Variants in PLCB3 observed in about 807,000 individuals in gnomAD.
PLCB3 encodes the protein phospholipase C beta 3.
Under a neutral mutation model 152.1 loss-of-function variants are expected in PLCB3, and 54 were observed. That is an observed-to-expected ratio of 0.36 (90% CI 0.29 to 0.45). The LOEUF (loss-of-function observed/expected upper bound fraction) is 0.45. Ranked by LOEUF, PLCB3 falls within the 20% of genes least tolerant of loss-of-function variation. The probability of loss-of-function intolerance (pLI) is 1.00; values close to 1 mark genes in which losing one functional copy is unlikely to be tolerated. For missense variants in PLCB3, 1,248 were observed against 1,687.5 expected (o/e 0.74, Z 4.56); for synonymous variants, 717 against 698.7 (o/e 1.03, Z -0.41).
chr11:64,260,349 G>T (rs1297215034), intron 14 of PLCB3, 115 bp downstream of exon 14: 2 of 725,774 alleles, frequency 2.8e-6, no homozygotes, highest in Non-Finnish European at 4.7e-6. Flanking sequence ...CTCAGTGTGG[G>T]TGTGAGTGAA....
rs2031670172 is a variant in PLCB3 at position 64,258,678 on chromosome 11, C to T, written c.1218C>T (p.Tyr406=). The change falls in exon 11 of 31, where the codon TAC becomes TAT. Residue 406 remains tyrosine, a synonymous_variant. Coordinates refer to ENST00000279230, the MANE Select transcript of PLCB3 (RefSeq NM_000932.5). This position sits in a 1 kb window ranked among gnomAD's most constrained non-coding sequence, Gnocchi z 7.2. ...AGACTGCCTTCAAGACCTCGCCCTA[C>T]CCCGTCATCCTCTCCTTCGAGAACC... ...IAETAFKTSP[Y]PVILSFENHV... is the part of the protein sequence containing the mutation. 6.2e-7 allele frequency: 1 copy of T among 1,613,966 alleles called. No homozygotes were observed. The highest frequency in any genetic ancestry group is 8.5e-7 in the Non-Finnish European group (1 of 1,179,992).
At chr11:64,265,583 G>C (rs1034687809) in intron 25 of PLCB3, 81 bp downstream of exon 25, 34 of 1,487,924 alleles carry the variant, frequency 2.3e-5, no homozygotes, top group South Asian at 1.3e-4. Context: ...TGGAGAGATG[G>C]CAAGAGCTGC....
chr11:64,260,140 GC>G lies in PLCB3; in HGVS notation c.1641del (p.Tyr548MetfsTer37). On this transcript the variant is annotated frameshift_variant, in exon 14 of 31. Coordinates refer to ENST00000279230, the MANE Select transcript of PLCB3 (RefSeq NM_000932.5). LOFTEE classifies it high-confidence loss of function. ...KSLGDEGLNR[G>X]PYVLGPADRE... ...CTGGGTGACGAGGGCCTGAACCGAGGCCCCTATGTTCTTGGACCTGCTGACC... is the reference window on the plus strand; with the variant it reads ...CTGGGTGACGAGGGCCTGAACCGAGGCCCTATGTTCTTGGACCTGCTGACC... 1 of 1,611,018 alleles carries G rather than the reference GC, an allele frequency of 6.2e-7. No homozygotes were observed. The highest frequency in any genetic ancestry group is 8.5e-7 in the Non-Finnish European group (1 of 1,178,906).
chr11:64,261,357 T>C, intron 14 of PLCB3, 43 bp from the exon 15 acceptor site: 1 of 1,407,866 alleles, frequency 7.1e-7, no homozygotes, highest in Non-Finnish European at 1.0e-6. Flanking sequence ...AATGGCCAGC[T>C]GTGGCGGGAA....
chr11:64,254,654 G>T, intron 2 of PLCB3, 94 bp from the exon 3 acceptor site: 2 of 1,428,592 alleles, frequency 1.4e-6, no homozygotes, highest in Non-Finnish European at 2.0e-6. Flanking sequence ...ATAGCCAGGG[G>T]CTGGCCATTC....
At chr11:64,260,447 A>G (rs1216063410) in intron 14 of PLCB3, among the ~76,000 whole-genome samples, 1 of 152,030 alleles carries the variant, frequency 6.6e-6, no homozygotes, top group Non-Finnish European at 1.5e-5. Flanking sequence ...GAGTTAGGGT[A>G]CAGAACTGGC....
At chr11:64,262,271 TC>T (rs1005259329) in intron 17 of PLCB3, 135 bp from the exon 18 acceptor site, 1 of 1,302,190 alleles carries the variant, frequency 7.7e-7, no homozygotes, top group Non-Finnish European at 1.1e-6. Flanking sequence ...CTGTCCTGGA[TC>T]CGGACCCTGA....
At chr11:64,265,527 C>T (rs2032075863) in intron 25 of PLCB3, 25 bp downstream of exon 25, 1 of 1,578,774 alleles carries the variant, frequency 6.3e-7, no homozygotes, top group Non-Finnish European at 8.6e-7. Context: ...CGCCTGTGTG[C>T]TATGTGTGCT....
rs1167030915 is a variant in PLCB3, at chr11:64,267,681, G to A, written c.*125G>A. 8.8e-6 allele frequency: 7 copies of A among 798,730 alleles called. No individual in the cohort carries two copies. Among genetic ancestry groups the A allele is most frequent in the Admixed American group, 2.9e-5 (1 of 34,800 alleles). The allele number at this position is 798,730 out of a possible 1,614,324, so 49.5% of individuals were successfully genotyped here. On this transcript the variant is annotated 3_prime_UTR_variant, in exon 31 of 31. Coordinates refer to ENST00000279230, the MANE Select transcript of PLCB3 (RefSeq NM_000932.5). The surrounding 1 kb of genome is among the most constrained non-coding windows in gnomAD (Gnocchi z 5.2). The stretch of plus-strand genomic sequence containing the variant: ...CTAGAAATTTTATTTTTTTAAACCC[G>A]GGGCAAGTACCTCAGCTAACTCCCT...
At position 64,267,097 on chromosome 11, in the gene PLCB3, C is replaced by G. The variant is rs1024175728; in HGVS notation, c.3415-88C>G. Reference sequence around the variant, plus strand: ...ATGTGAGCCACTGCACCCGGCCTCGCCCACCTGACTTCTATACCCAGCCAG... The same window carrying G: ...ATGTGAGCCACTGCACCCGGCCTCGGCCACCTGACTTCTATACCCAGCCAG... On this transcript the variant is annotated intron_variant, in intron 29 of 30. Transcript: ENST00000279230. This position sits in a 1 kb window ranked among gnomAD's most constrained non-coding sequence, Gnocchi z 5.2. 24 of 1,222,582 alleles carry G rather than the reference C, an allele frequency of 2.0e-5. No individual in the cohort carries two copies. Among genetic ancestry groups the G allele is most frequent in the Non-Finnish European group, 2.5e-5 (21 of 853,372 alleles). 75.7% of individuals were successfully genotyped at this position (1,222,582 alleles called of 1,614,324 possible).
At chr11:64,263,873 C>T (rs2031980244) in intron 21 of PLCB3, 78 bp downstream of exon 21, 15 of 1,308,124 alleles carry the variant, frequency 1.1e-5, no homozygotes, top group South Asian at 6.0e-5. Context: ...TGGGAGTGGC[C>T]GAGCTGGATG....
In PLCB3 at chr11:64,255,469, G is replaced by A; in HGVS notation, c.521+20G>A. On this transcript the variant is annotated intron_variant, in intron 6 of 30. Transcript: ENST00000279230. This position sits in a 1 kb window ranked among gnomAD's most constrained non-coding sequence, Gnocchi z 6.8. Reference sequence around the variant, plus strand: ...CAAGAAGTGAGCACCCCTTCCCCCAGCACCTTCCTCCTGCCCTGACCTTGG... The same window carrying A: ...CAAGAAGTGAGCACCCCTTCCCCCAACACCTTCCTCCTGCCCTGACCTTGG... 6.2e-7 allele frequency: 1 copy of A among 1,614,076 alleles called. No homozygotes were observed. The highest frequency in any genetic ancestry group is 8.5e-7 in the Non-Finnish European group (1 of 1,179,936).
chr11:64,259,283 AG>A (rs2031718289), intron 13 of PLCB3, 39 bp downstream of exon 13: 1 of 1,433,882 alleles, frequency 7.0e-7, no homozygotes. Context: ...ACTTGACCCT[AG>A]CCTCTGGCCT....
rs370353261 is a variant in PLCB3, at chr11:64,266,489, G to A, written c.3357-6G>A. 64 of 1,613,516 alleles carry A rather than the reference G, an allele frequency of 4.0e-5. No individual in the cohort carries two copies. The highest frequency in any genetic ancestry group is 1.7e-4 in the African/African-American group (13 of 74,858). On this transcript the variant is annotated splice_region_variant and splice_polypyrimidine_tract_variant and intron_variant, in intron 28 of 30. Coordinates refer to ENST00000279230, the MANE Select transcript of PLCB3 (RefSeq NM_000932.5). The surrounding 1 kb of genome is among the most constrained non-coding windows in gnomAD (Gnocchi z 4.9). ...CCCCGAGCCATCCTGCGTTGCTCCC[G>A]TGCAGGGAACTGACGGAGATTAACC...
Position 64,258,512 on chromosome 11 carries a change from G to A in PLCB3, c.1052G>A (p.Arg351His). 6 of 1,613,616 alleles carry A rather than the reference G, an allele frequency of 3.7e-6. No homozygotes were observed. The highest frequency in any genetic ancestry group is 1.3e-5 in the African/African-American group (1 of 75,040). Residue 351 changes from arginine (R) to histidine (H), a missense_variant, in exon 11 of 31, where the codon CGC (arginine) becomes CAC (histidine). Physicochemically the swap from Arg to His is conservative, Grantham distance 29. Coordinates refer to ENST00000279230, the MANE Select transcript of PLCB3 (RefSeq NM_000932.5). This position sits in a 1 kb window ranked among gnomAD's most constrained non-coding sequence, Gnocchi z 7.2. ...LAGTSSVEMY[R>H]QALLWGCRCV... ...GGGACCTCGTCGGTGGAGATGTACC[G>A]CCAGGCACTACTATGGGGCTGCCGC...
intron 14 of PLCB3, 74 bp downstream of exon 14, chr11:64,260,308 A>C: frequency 9.7e-7 from 1 of 1,026,452 alleles, no homozygotes; most frequent in South Asian, 1.5e-5. Context: ...CTGACCATCA[A>C]CAAGACTGAC....
chr11:64,256,997 CTT>C (rs5792316), intron 10 of PLCB3, among the ~76,000 whole-genome samples: 219 of 61,594 alleles, frequency 3.6e-3, no homozygotes, highest in African/African-American at 8.6e-3. Context: ...CTTCAGGGTC[CTT>C]TTTTTTTTTT....
At chr11:64,254,558 C>A in intron 2 of PLCB3, 66 bp downstream of exon 2, 1 of 1,522,696 alleles carries the variant, frequency 6.6e-7, no homozygotes, top group Non-Finnish European at 9.1e-7. Flanking sequence ...CTGCCCTGCC[C>A]GTGGGGGTGG....
rs761349636 is a variant in PLCB3 at position 64,266,522 on chromosome 11, C to T, written c.3384C>T (p.His1128=). Residue 1128 remains histidine, a synonymous_variant, in exon 29 of 31, where the codon CAC becomes CAT. Coordinates refer to ENST00000279230, the MANE Select transcript of PLCB3 (RefSeq NM_000932.5). This position sits in a 1 kb window ranked among gnomAD's most constrained non-coding sequence, Gnocchi z 4.9. ...AACTGACGGAGATTAACCGTCGGCA[C>T]ATCACTGAGTCAGTCAACTCCATCC... The part of the protein sequence containing the change: ...EAELTEINRR[H]ITESVNSIRR... The T allele has an allele frequency of 5.0e-6, 8 of 1,613,802 alleles. No individual in the cohort carries two copies. The South Asian group carries it at 5.5e-5, about 11-fold the overall frequency.
Sources: gnomAD v4.1 joint callset for allele counts (sites outside exome capture counted in the v4.1 genomes callset) on GRCh38, gnomAD v4.1.1 for gene constraint, Gnocchi (gnomAD v3.1) non-coding constraint, MANE v1.5 for transcripts, NCBI Gene and HGNC (gene_info 2026-07-23, HGNC 2026-07-21) for gene names.